The following FBXL7 variants were observed in gnomAD, a reference collection of about 807,000 sequenced individuals.
The protein encoded by FBXL7 is F-box and leucine rich repeat protein 7.
In FBXL7, 12 loss-of-function variants were observed where a neutral mutation model predicts 38.3. That is an observed-to-expected ratio of 0.31 (90% CI 0.20 to 0.51). The LOEUF (loss-of-function observed/expected upper bound fraction) is 0.51, where lower values mean the gene tolerates loss of function less well. Ranked by LOEUF, FBXL7 falls within the 20% of genes least tolerant of loss-of-function variation. FBXL7 has a pLI of 0.98. For missense variants in FBXL7, 567 were observed against 676.4 expected (o/e 0.84, Z 1.79); for synonymous variants, 297 against 300.9 (o/e 0.99, Z 0.13).
At chr5:15,821,812 G>A (rs1738177122) in intron 2 of FBXL7, among the ~76,000 whole-genome samples, 2 of 152,176 alleles carry the variant, frequency 1.3e-5, no homozygotes, top group Admixed American at 1.3e-4. Flanking sequence ...ACTTTTCTGA[G>A]CTGTTGGGAG....
intron 2 of FBXL7, among the ~76,000 whole-genome samples, chr5:15,660,086 T>C (rs1006608520): frequency 3.3e-5 from 5 of 152,232 alleles, no homozygotes; most frequent in Non-Finnish European, 7.3e-5. Context: ...TCACTTTATT[T>C]TTCCTGCTTT....
At chr5:15,804,761 G>T (rs1737660691) in intron 2 of FBXL7, among the ~76,000 whole-genome samples, 1 of 152,074 alleles carries the variant, frequency 6.6e-6, no homozygotes, top group Non-Finnish European at 1.5e-5. Flanking sequence ...ACATGTGAGG[G>T]ATCTAGGTTG....
At chr5:15,571,809 C>T (rs1021084975) in intron 1 of FBXL7, among the ~76,000 whole-genome samples, 3 of 152,092 alleles carry the variant, frequency 2.0e-5, no homozygotes, top group South Asian at 2.1e-4. Flanking sequence ...AGGGTTCAGC[C>T]GTGCCGTCGC....
intron 1 of FBXL7, chr5:15,501,859 CATGTGTATGT>C (rs1341990933): frequency 2.6e-6 from 1 of 388,586 alleles, no homozygotes; most frequent in Non-Finnish European, 3.4e-6. Context: ...TCCATATGTG[CATGTGTATGT>C]GTGTGTGTGT....
intron 2 of FBXL7, among the ~76,000 whole-genome samples, chr5:15,692,955 C>G (rs11133821): frequency 2.6e-5 from 4 of 151,890 alleles, no homozygotes; most frequent in African/African-American, 9.7e-5. Context: ...TAGTCCTATT[C>G]GGATTGGGCC....
At chr5:15,531,563 G>A (rs545824417) in intron 1 of FBXL7, among the ~76,000 whole-genome samples, 1 of 152,316 alleles carries the variant, frequency 6.6e-6, no homozygotes, top group South Asian at 2.1e-4. Context: ...ACTGGCATGG[G>A]AGCAGGCTGA....
At chr5:15,723,477 G>A (rs527254254) in intron 2 of FBXL7, among the ~76,000 whole-genome samples, 62 of 152,206 alleles carry the variant, frequency 4.1e-4, no homozygotes, top group South Asian at 1.2e-3. Flanking sequence ...GACTTCCAGC[G>A]TTGCAGATTT....
intron 1 of FBXL7, among the ~76,000 whole-genome samples, chr5:15,605,633 T>A (rs910032808): frequency 2.0e-5 from 3 of 152,104 alleles, no homozygotes; most frequent in Non-Finnish European, 4.4e-5. Flanking sequence ...TTCTTTGGGG[T>A]GATGAAAACA....
intron 2 of FBXL7, among the ~76,000 whole-genome samples, chr5:15,852,418 C>T (rs1739123964): frequency 6.6e-6 from 1 of 152,168 alleles, no homozygotes; most frequent in South Asian, 2.1e-4. Context: ...ATTACTTTTC[C>T]ATCATATTTG....
chr5:15,777,656 A>G (rs1402739409), intron 2 of FBXL7, among the ~76,000 whole-genome samples: 1 of 148,348 alleles, frequency 6.7e-6, no homozygotes, highest in East Asian at 2.0e-4. Context: ...GGGTCCTAGG[A>G]GACACACAAG....
intron 2 of FBXL7, among the ~76,000 whole-genome samples, chr5:15,790,595 G>A (rs1024247241): frequency 1.3e-5 from 2 of 152,126 alleles, no homozygotes; most frequent in Non-Finnish European, 2.9e-5. Context: ...AATATTAGGT[G>A]CTAAAGAAAA....
chr5:15,778,286 A>G (rs1242141819), intron 2 of FBXL7, among the ~76,000 whole-genome samples: 2 of 152,036 alleles, frequency 1.3e-5, no homozygotes, highest in African/African-American at 4.8e-5. Flanking sequence ...GTTCCTATCT[A>G]AAGATATGAC....
At chr5:15,694,626 A>G (rs923679945) in intron 2 of FBXL7, among the ~76,000 whole-genome samples, 11 of 152,212 alleles carry the variant, frequency 7.2e-5, no homozygotes, top group Non-Finnish European at 1.2e-4. Context: ...GAATAGCTGT[A>G]GGACACAGGA....
At chr5:15,635,078 A>G (rs1011884994) in intron 2 of FBXL7, among the ~76,000 whole-genome samples, 2 of 152,158 alleles carry the variant, frequency 1.3e-5, no homozygotes, top group Admixed American at 6.5e-5. Context: ...ACAGTTACTT[A>G]AAATAGCAGC....
At chr5:15,799,636 A>T (rs1200028269) in intron 2 of FBXL7, among the ~76,000 whole-genome samples, 2 of 152,194 alleles carry the variant, frequency 1.3e-5, no homozygotes, top group Non-Finnish European at 2.9e-5. Flanking sequence ...TGCTAGGATT[A>T]CAGGCGTGAG....
intron 2 of FBXL7, among the ~76,000 whole-genome samples, chr5:15,747,044 A>G (rs1317602007): frequency 9.2e-5 from 14 of 152,186 alleles, no homozygotes; most frequent in Admixed American, 6.5e-5. Context: ...GCTGTTAGTC[A>G]CACCAACCTG....
At chr5:15,891,984 G>A (rs535979726) in intron 2 of FBXL7, among the ~76,000 whole-genome samples, 1 of 152,362 alleles carries the variant, frequency 6.6e-6, no homozygotes, top group Non-Finnish European at 1.5e-5. Flanking sequence ...GGAGGGAACA[G>A]CCCCAGGTTG....
intron 2 of FBXL7, among the ~76,000 whole-genome samples, chr5:15,772,902 T>G (rs962435836): frequency 2.2e-5 from 2 of 92,648 alleles, no homozygotes; most frequent in African/African-American, 8.5e-5. Context: ...TGAGACTTTG[T>G]TTTTTTTTTT....
intron 1 of FBXL7, among the ~76,000 whole-genome samples, chr5:15,605,581 G>A (rs970099684): frequency 6.6e-6 from 1 of 152,172 alleles, no homozygotes; most frequent in East Asian, 1.9e-4. Flanking sequence ...GGGGCTAGGG[G>A]AGGGAGGAAT....
Sources: gnomAD v4.1 joint callset for allele counts (sites outside exome capture counted in the v4.1 genomes callset) on GRCh38, gnomAD v4.1.1 for gene constraint, MANE v1.5 for transcripts, NCBI Gene and HGNC (gene_info 2026-07-23, HGNC 2026-07-21) for gene names.